Variants in PMF1 observed in about 807,000 individuals in gnomAD.
PMF1 encodes polyamine-modulated factor 1.
In PMF1, 21 loss-of-function variants were observed where a neutral mutation model predicts 26.7. The observed-to-expected ratio is 0.79, with a 90% CI of 0.56 to 1.13. The LOEUF is 1.13. Ranked by LOEUF, PMF1 falls within the 50% of genes most tolerant of loss-of-function variation. The pLI is 0.00. For missense variants in PMF1, 266 were observed against 254.9 expected, an observed-to-expected ratio of 1.04 and a Z score of -0.30; for synonymous variants, 105 against 101.0, an observed-to-expected ratio of 1.04 and a Z score of -0.24.
chr1:156,233,520 C>G, intron 2 of PMF1, 108 bp from the exon 3 acceptor site: 1 of 1,092,138 alleles, frequency 9.2e-7, no homozygotes, highest in Non-Finnish European at 1.3e-6. Context: ...GCATAAAGAC[C>G]TAGAACAGAA....
In PMF1 at chr1:156,239,859, TCTC is replaced by T; in HGVS notation, c.*259_*261del. The T allele has an allele frequency of 2.1e-6, 1 of 473,056 alleles. No homozygotes were observed. The highest frequency in any genetic ancestry group is 5.5e-4 in the Middle Eastern group (1 of 1,818). The allele number at this position is 473,056 out of a possible 1,614,324, so 29.3% of individuals were successfully genotyped here. A position where few individuals can be genotyped will look rare whatever the true frequency, so the allele number is the denominator to read the frequency against. On this transcript the variant is annotated 3_prime_UTR_variant, in exon 5 of 5. Transcript: ENST00000368277. Reference sequence around the variant, plus strand: ...GATAATTCTTGGCCATGTTCTCTCTTCTCTAGGTTCAGGTCAGCTCTGCCCCTC... The same window carrying T: ...GATAATTCTTGGCCATGTTCTCTCTTTAGGTTCAGGTCAGCTCTGCCCCTC...
intron 1 of PMF1, among the ~76,000 whole-genome samples, chr1:156,227,873 C>T (rs1658456779): frequency 1.3e-5 from 2 of 151,894 alleles, no homozygotes; most frequent in African/African-American, 4.8e-5. Flanking sequence ...TCAAGTGATC[C>T]TCCTGCCTCA....
At chr1:156,222,432 G>A (rs1471115911) in intron 1 of PMF1, among the ~76,000 whole-genome samples, 1 of 151,790 alleles carries the variant, frequency 6.6e-6, no homozygotes, top group Non-Finnish European at 1.5e-5. Flanking sequence ...GCCCAGGCTG[G>A]AGTGCAATGG....
intron 1 of PMF1, among the ~76,000 whole-genome samples, chr1:156,229,467 C>T (rs1658573120): frequency 1.3e-5 from 2 of 151,684 alleles, no homozygotes; most frequent in South Asian, 4.2e-4. Context: ...TCCAGTATTT[C>T]CACCAGACAG....
At position 156,236,474 on chromosome 1, in the gene PMF1, G is replaced by A; in HGVS notation, c.555G>A (p.Gln185=). 6.2e-7 allele frequency: 1 copy of A among 1,610,052 alleles called. No individual in the cohort carries two copies. Among genetic ancestry groups the A allele is most frequent in the Admixed American group, 1.7e-5 (1 of 59,214 alleles). Residue 185 remains glutamine (Q), a synonymous_variant, in exon 4 of 5, where the codon CAG becomes CAA. Transcript: ENST00000368277. ...ELQLQVQAQQ[Q]AWQALHREQR... is the part of the protein sequence containing the mutation. ...AGCTACAGGTCCAGGCCCAGCAGCA[G>A]GCCTGGCAGGTCAGTGTCCCAGCCT...
rs546039264 is a variant in PMF1 at position 156,220,113 on chromosome 1, G to A, written c.161+6937G>A. 3.9e-5 allele frequency among the ~76,000 whole-genome samples: 6 copies of A among 151,956 alleles called. No individual in the cohort carries two copies. The South Asian group carries it at 6.2e-4, about 16-fold the overall frequency. On this transcript the variant is annotated intron_variant, in intron 1 of 4. Coordinates refer to ENST00000368277, the MANE Select transcript of PMF1 (RefSeq NM_007221.4). ...CGGGTAGCTGGGACTACAGGCACCC[G>A]CCACCACGCCCGGCTAATTTTTTTC...
chr1:156,224,758 C>G (rs1038539359), intron 1 of PMF1, among the ~76,000 whole-genome samples: 10 of 150,904 alleles, frequency 6.6e-5, no homozygotes, highest in African/African-American at 2.4e-4. Context: ...AGTGAGACTC[C>G]GTCTCAAAAA....
At chr1:156,237,995 T>C (rs1659135139) in intron 4 of PMF1, among the ~76,000 whole-genome samples, 1 of 152,246 alleles carries the variant, frequency 6.6e-6, no homozygotes, top group South Asian at 2.1e-4. Context: ...CTTGAACTCC[T>C]GGCCCCAGGT....
At chr1:156,228,466 G>C (rs1658513260) in intron 1 of PMF1, among the ~76,000 whole-genome samples, 1 of 151,792 alleles carries the variant, frequency 6.6e-6, no homozygotes, top group Non-Finnish European at 1.5e-5. Flanking sequence ...TGTCCTGTTA[G>C]CATATATTTC....
intron 3 of PMF1, among the ~76,000 whole-genome samples, 178 bp from the exon 4 acceptor site, chr1:156,236,110 T>G (rs976740117): frequency 6.6e-6 from 1 of 151,864 alleles, no homozygotes; most frequent in Non-Finnish European, 1.5e-5. Context: ...GGAAAGGAAG[T>G]GTGCATTCCT....
At chr1:156,224,653 A>G (rs937949541) in intron 1 of PMF1, among the ~76,000 whole-genome samples, 3 of 151,346 alleles carry the variant, frequency 2.0e-5, no homozygotes, top group African/African-American at 7.3e-5. Flanking sequence ...AGTCCCAGCT[A>G]CTCGGGAGGC....
intron 1 of PMF1, among the ~76,000 whole-genome samples, chr1:156,222,185 G>C (rs934804066): frequency 6.6e-6 from 1 of 152,182 alleles, no homozygotes; most frequent in African/African-American, 2.4e-5. Flanking sequence ...GCACACCTGA[G>C]TGCCAGTGCA....
chr1:156,239,496 G>T, intron 4 of PMF1, 52 bp from the exon 5 acceptor site: 1 of 1,475,930 alleles, frequency 6.8e-7, no homozygotes, highest in African/African-American at 1.4e-5. Flanking sequence ...GGAGGGCAAG[G>T]ATTTGGGTTT....
chr1:156,233,446 C>T (rs1040790129), intron 2 of PMF1, among the ~76,000 whole-genome samples, 182 bp from the exon 3 acceptor site: 3 of 152,058 alleles, frequency 2.0e-5, no homozygotes, highest in South Asian at 2.1e-4. Context: ...GCGTGAACCA[C>T]GACGCCCAGC....
chr1:156,236,725 G>A (rs1273331229), intron 4 of PMF1: 2 of 573,528 alleles, frequency 3.5e-6, no homozygotes, highest in Non-Finnish European at 6.0e-6. Flanking sequence ...GATGGAGCAG[G>A]TGAGGACCCA....
At chr1:156,236,776 C>T in intron 4 of PMF1, 1 of 432,508 alleles carries the variant, frequency 2.3e-6, no homozygotes, top group South Asian at 4.6e-5. Context: ...GTAACAGCGC[C>T]TCCACATCAG....
chr1:156,229,013 A>C (rs905738212), intron 1 of PMF1, among the ~76,000 whole-genome samples: 8 of 152,014 alleles, frequency 5.3e-5, no homozygotes, highest in Non-Finnish European at 1.0e-4. Flanking sequence ...GGTTCAAGTG[A>C]TTCTCCTGCC....
At chr1:156,218,742 A>C (rs1657916311) in intron 1 of PMF1, among the ~76,000 whole-genome samples, 1 of 151,984 alleles carries the variant, frequency 6.6e-6, no homozygotes, top group African/African-American at 2.4e-5. Context: ...AGATTGCGCC[A>C]CTGCATTCCA....
Position 156,236,269 on chromosome 1 carries a change from G to A in PMF1, c.369-19G>A, listed in dbSNP as rs938650897. ...GCCTTCCGCCTCCTTCATTCCTTGT[G>A]CCCCGTGTGGCCCTCCAGGCGCCCC... On this transcript the variant is annotated intron_variant, in intron 3 of 4. Transcript: ENST00000368277. 6 of 1,597,098 alleles carry A rather than the reference G, an allele frequency of 3.8e-6. No individual in the cohort carries two copies. In the African/African-American group the frequency reaches 6.7e-5, roughly 18 times the overall value.
Sources: gnomAD v4.1 joint callset for allele counts (sites outside exome capture counted in the v4.1 genomes callset) on GRCh38, gnomAD v4.1.1 for gene constraint, MANE v1.5 for transcripts, NCBI Gene and HGNC (gene_info 2026-07-23, HGNC 2026-07-21) for gene names.